PCYT1A: variants seen among roughly 807,000 people sequenced by gnomAD.
PCYT1A encodes the protein phosphate cytidylyltransferase 1A, choline.
A neutral mutation model predicts 43.7 loss-of-function variants in PCYT1A; 25 were observed. The ratio of observed to expected loss-of-function variants is 0.57; its 90% CI spans 0.42 to 0.80. The LOEUF is 0.80. Ranked by LOEUF, PCYT1A falls within the 30% of genes least tolerant of loss-of-function variation. The pLI is 0.00. For synonymous variants in PCYT1A, 172 were observed against 170.7 expected (o/e 1.01, Z -0.06); for missense variants, 421 against 474.2 (o/e 0.89, Z 1.04).
chr3:196,282,635 T>C lies in PCYT1A; in HGVS notation c.-11+4980A>G, dbSNP rs1725800624. Among the ~76,000 whole-genome samples, 1 of 152,204 alleles carries C rather than the reference T, an allele frequency of 6.6e-6. No homozygotes were observed. Among genetic ancestry groups the C allele is most frequent in the Admixed American group, 6.5e-5 (1 of 15,282 alleles). ...ATATAATTCAATATAACTGGTTTTC[T>C]TTATAGTTCTATGTATTTTATTTTT... On this transcript the variant is annotated intron_variant, in intron 1 of 8. Coordinates refer to ENST00000431016, the MANE Select transcript of PCYT1A (RefSeq NM_001312673.2). This position sits in a 1 kb window ranked among gnomAD's most constrained non-coding sequence, Gnocchi z 4.3.
chr3:196,266,460 A>G (rs1358002178), intron 2 of PCYT1A, among the ~76,000 whole-genome samples: 2 of 151,740 alleles, frequency 1.3e-5, no homozygotes, highest in Non-Finnish European at 2.9e-5. Flanking sequence ...GCGACAGAGC[A>G]AGACTCCATC....
At position 196,257,790 on chromosome 3, in the gene PCYT1A, G is replaced by T; in HGVS notation, c.215C>A (p.Pro72His). ...AAATTAAGAAGGTATTTACTTACAA[G>T]GAGTTCCTCTGCTGGCTTCTTCCAT... Reference protein sequence around the residue: ...VTMEEASRGTPCERPVRVYAD... With the variant: ...VTMEEASRGTHCERPVRVYAD... Residue 72 changes from proline (P) to histidine (H), a missense_variant and splice_region_variant, in exon 3 of 9, where the codon CCT becomes CAT. Transcript: ENST00000431016. The T allele has an allele frequency of 6.4e-7, 1 of 1,559,106 alleles. No homozygotes were observed. The highest frequency in any genetic ancestry group is 8.8e-7 in the Non-Finnish European group (1 of 1,130,604).
intron 1 of PCYT1A, among the ~76,000 whole-genome samples, chr3:196,279,745 T>A (rs1326269719): frequency 6.6e-6 from 1 of 152,010 alleles, no homozygotes; most frequent in East Asian, 1.9e-4. Flanking sequence ...AGACAGAATC[T>A]AGGTGCTGGC....
chr3:196,284,173 G>A (rs867069673), intron 1 of PCYT1A, among the ~76,000 whole-genome samples: 1 of 152,146 alleles, frequency 6.6e-6, no homozygotes, highest in Non-Finnish European at 1.5e-5. Context: ...TGATGCTTAA[G>A]TAAGAACTCT....
intron 3 of PCYT1A, chr3:196,250,720 G>C (rs1724739224): frequency 5.9e-6 from 1 of 168,182 alleles, no homozygotes; most frequent in African/African-American, 2.4e-5. Flanking sequence ...TGCTGAGGCT[G>C]AGGATCAGAT....
rs1258399755 is a variant in PCYT1A at position 196,236,299 on chromosome 3, G to A, written c.*2389C>T. Reference sequence around the variant, plus strand: ...TGCACTTGGAGGAACCAAGCAGATGGGCTTCAGCACAGACTTCACTGCCAC... The same window carrying A: ...TGCACTTGGAGGAACCAAGCAGATGAGCTTCAGCACAGACTTCACTGCCAC... On this transcript the variant is annotated 3_prime_UTR_variant, in exon 9 of 9. Coordinates refer to ENST00000431016, the MANE Select transcript of PCYT1A (RefSeq NM_001312673.2). 1 of 152,198 alleles carries A rather than the reference G, an allele frequency of 6.6e-6. No homozygotes were observed. 9.4% of individuals were successfully genotyped at this position (152,198 alleles called of 1,614,324 possible).
rs538553039 is a variant in PCYT1A at position 196,270,301 on chromosome 3, G to A, written c.117+114C>T. The A allele has an allele frequency of 6.2e-5, 47 of 753,014 alleles. No homozygotes were observed. In the African/African-American group the frequency reaches 7.5e-4, roughly 12 times the overall value. The allele number at this position is 753,014 out of a possible 1,614,324, so 46.6% of individuals were successfully genotyped here. A position where few individuals can be genotyped will look rare whatever the true frequency, so the allele number is the denominator to read the frequency against. On this transcript the variant is annotated intron_variant, in intron 2 of 8. Coordinates refer to ENST00000431016, the MANE Select transcript of PCYT1A (RefSeq NM_001312673.2). ...AAAAGGCAGCAGATTTCCAGTGACT[G>A]TGAAAATACACTTACTATTCCTTCT...
intron 5 of PCYT1A, among the ~76,000 whole-genome samples, chr3:196,245,851 T>C (rs1427937586): frequency 6.6e-6 from 1 of 151,074 alleles, no homozygotes; most frequent in Non-Finnish European, 1.5e-5. Context: ...CTCGGGAGGC[T>C]GAGGCAGGCG....
chr3:196,241,560 T>C (rs1020823830), intron 7 of PCYT1A: 1 of 1,297,780 alleles, frequency 7.7e-7, no homozygotes, highest in Admixed American at 2.3e-5. Context: ...CTCAGGTCTG[T>C]GTGGGAAGTG....
intron 5 of PCYT1A, among the ~76,000 whole-genome samples, chr3:196,245,907 C>G (rs182437041): frequency 2.1e-4 from 31 of 149,514 alleles, no homozygotes; most frequent in African/African-American, 7.6e-4. Context: ...TCCGAGATCA[C>G]GCCATTGCAC....
At chr3:196,243,553 CT>C (rs1724434612) in intron 5 of PCYT1A, among the ~76,000 whole-genome samples, 2 of 151,998 alleles carry the variant, frequency 1.3e-5, no homozygotes, top group Admixed American at 6.5e-5. Flanking sequence ...CTCCCTCTCC[CT>C]CTCTTTCTAT....
intron 3 of PCYT1A, 36 bp from the exon 4 acceptor site, chr3:196,248,359 CT>C (rs544364575): frequency 4.2e-4 from 518 of 1,229,324 alleles, no homozygotes; most frequent in African/African-American, 5.2e-4. Flanking sequence ...ACAAAAATAC[CT>C]TTTTTTTTGT....
intron 3 of PCYT1A, among the ~76,000 whole-genome samples, chr3:196,256,449 C>G (rs1263607229): frequency 1.3e-5 from 2 of 152,076 alleles, no homozygotes; most frequent in Non-Finnish European, 2.9e-5. Context: ...AAGATTGTGC[C>G]ACTGCATGCC....
At chr3:196,285,010 T>C (rs1464806156) in intron 1 of PCYT1A, among the ~76,000 whole-genome samples, 4 of 152,196 alleles carry the variant, frequency 2.6e-5, no homozygotes, top group African/African-American at 2.4e-5. Flanking sequence ...TCTCAACTCA[T>C]TCCCATTCAA....
At chr3:196,248,173 G>T in intron 4 of PCYT1A, 34 bp downstream of exon 4, 3 of 1,150,910 alleles carry the variant, frequency 2.6e-6, no homozygotes, top group Non-Finnish European at 4.0e-6. Context: ...ATCTTTTTCT[G>T]CACAGCACCT....
At chr3:196,258,608 G>C (rs1224786916) in intron 2 of PCYT1A, among the ~76,000 whole-genome samples, 2 of 127,454 alleles carry the variant, frequency 1.6e-5, no homozygotes, top group South Asian at 2.5e-4. Context: ...TTTTTTTTTT[G>C]AGAGGGTCCA....
Position 196,242,434 on chromosome 3 carries a change from C to A in PCYT1A, c.565+128G>T. The A allele has an allele frequency of 1.3e-6, 1 of 759,752 alleles. No individual in the cohort carries two copies. The highest frequency in any genetic ancestry group is 1.9e-5 in the Admixed American group (1 of 51,958). The allele number at this position is 759,752 out of a possible 1,614,324, so 47.1% of individuals were successfully genotyped here. ...TGCTATGCTCATCTTTACCTTTTAT[C>A]CAAAATGTGGCCTGAAAGAGGATGT... On this transcript the variant is annotated intron_variant, in intron 6 of 8. Coordinates refer to ENST00000431016, the MANE Select transcript of PCYT1A (RefSeq NM_001312673.2). The surrounding 1 kb of genome is among the most constrained non-coding windows in gnomAD (Gnocchi z 4.2).
intron 1 of PCYT1A, among the ~76,000 whole-genome samples, chr3:196,276,448 C>A (rs1228267147): frequency 6.6e-6 from 1 of 151,612 alleles, no homozygotes; most frequent in East Asian, 1.9e-4. Context: ...TACAAAAATA[C>A]AAAAATTAGC....
intron 3 of PCYT1A, 80 bp downstream of exon 3, chr3:196,257,708 A>G: frequency 1.1e-6 from 1 of 879,650 alleles, no homozygotes; most frequent in South Asian, 1.4e-5. Context: ...CAGTATATAG[A>G]GAGCAGGTGT....
Sources: allele counts gnomAD v4.1 joint callset (sites outside exome capture counted in the v4.1 genomes callset), GRCh38; gene constraint gnomAD v4.1.1; non-coding constraint Gnocchi (gnomAD v3.1); transcripts MANE v1.5; gene names NCBI Gene and HGNC (gene_info 2026-07-23, HGNC 2026-07-21).